BLTP1: variants seen among roughly 807,000 people sequenced by gnomAD.
BLTP1 encodes the protein fragile site-associated protein.
the BLTP1 span, chr4:122,248,028 C>G: frequency 1.0e-6 from 1 of 984,620 alleles, no homozygotes; most frequent in Non-Finnish European, 1.2e-6. Flanking sequence ...AAATGAATTC[C>G]CTGAATTTGC....
chr4:122,204,550 A>G, the BLTP1 span: 3 of 984,772 alleles, frequency 3.0e-6, no homozygotes, highest in South Asian at 9.4e-5. Context: ...TTCAGACTGC[A>G]GACTGTTTGC....
At chr4:122,328,355 C>G in the BLTP1 span, 17 of 1,604,776 alleles carry the variant, frequency 1.1e-5, no homozygotes, top group Non-Finnish European at 1.4e-5. Flanking sequence ...ACAGGAAACC[C>G]TCGTGAGTAA....
the BLTP1 span, among the ~76,000 whole-genome samples, chr4:122,338,363 C>G: frequency 5.9e-5 from 9 of 151,818 alleles, no homozygotes; most frequent in Non-Finnish European, 1.3e-4. Context: ...GTCCTAGCAA[C>G]TTGGGAGGCT....
the BLTP1 span, among the ~76,000 whole-genome samples, chr4:122,330,677 CT>C: frequency 6.6e-6 from 1 of 151,936 alleles, no homozygotes; most frequent in South Asian, 2.1e-4. Context: ...CCTTTTCACC[CT>C]ATTGTTTCCA....
At chr4:122,278,914 G>C in the BLTP1 span, among the ~76,000 whole-genome samples, 1 of 152,194 alleles carries the variant, frequency 6.6e-6, no homozygotes, top group Non-Finnish European at 1.5e-5. Context: ...ACAGGTGGGA[G>C]CCACCATGCC....
the BLTP1 span, chr4:122,155,064 T>C: frequency 2.7e-6 from 1 of 377,172 alleles, no homozygotes; most frequent in Non-Finnish European, 3.6e-6. Flanking sequence ...GTGTCAGACA[T>C]CCAGGCTTCT....
At chr4:122,332,599 T>C in the BLTP1 span, among the ~76,000 whole-genome samples, 3 of 151,050 alleles carry the variant, frequency 2.0e-5, no homozygotes, top group Non-Finnish European at 4.4e-5. Flanking sequence ...TGAAGGATTG[T>C]ATTCCATTTA....
At chr4:122,209,956 A>G in the BLTP1 span, 2 of 1,604,208 alleles carry the variant, frequency 1.2e-6, no homozygotes, top group African/African-American at 2.7e-5. Flanking sequence ...GTGCTTTTAT[A>G]CAGCTGCTAT....
chr4:122,190,212 T>C, the BLTP1 span: 1 of 1,193,168 alleles, frequency 8.4e-7, no homozygotes, highest in East Asian at 2.7e-5. Context: ...TCCTCCTACT[T>C]CAGCCTCCTG....
chr4:122,228,130 G>T, the BLTP1 span, among the ~76,000 whole-genome samples: 2 of 152,006 alleles, frequency 1.3e-5, no homozygotes, highest in Non-Finnish European at 2.9e-5. Context: ...AGCCAGGATG[G>T]TCTTGATCTC....
the BLTP1 span, chr4:122,257,127 C>CATCT: frequency 1.0e-6 from 1 of 963,242 alleles, no homozygotes. Flanking sequence ...AATTACTTAA[C>CATCT]ATCTAAGTTT....
chr4:122,252,672 T>A, the BLTP1 span, among the ~76,000 whole-genome samples: 1 of 152,202 alleles, frequency 6.6e-6, no homozygotes, highest in East Asian at 1.9e-4. Flanking sequence ...GGTTTTTGTC[T>A]CCAGTTGTTG....
At chr4:122,164,347 T>C in the BLTP1 span, 5 of 926,602 alleles carry the variant, frequency 5.4e-6, no homozygotes, top group African/African-American at 8.9e-5. Context: ...TATGGAAATA[T>C]TACACGCCAG....
the BLTP1 span, chr4:122,298,851 G>A: frequency 2.0e-6 from 2 of 984,740 alleles, no homozygotes; most frequent in Non-Finnish European, 2.4e-6. Flanking sequence ...CAAGAAACTG[G>A]GACTGAAAGA....
At chr4:122,325,750 C>T in the BLTP1 span, 1 of 784,762 alleles carries the variant, frequency 1.3e-6, no homozygotes. Context: ...GCATATTAAA[C>T]ATTATATTAA....
chr4:122,307,879 G>A, the BLTP1 span: 95 of 1,543,600 alleles, frequency 6.2e-5, 2 homozygotes, highest in South Asian at 1.1e-3. Flanking sequence ...CAGCTTTTGA[G>A]TTTTACTTAA....
the BLTP1 span, chr4:122,261,892 G>A: frequency 2.0e-6 from 2 of 985,306 alleles, no homozygotes; most frequent in East Asian, 2.3e-4. Context: ...TGACTGGGAG[G>A]GCATTGAAAA....
At chr4:122,192,333 G>A in the BLTP1 span, 1 of 1,613,442 alleles carries the variant, frequency 6.2e-7, no homozygotes, top group Non-Finnish European at 8.5e-7. Flanking sequence ...TATAGTTTGT[G>A]GTAAAGGAAC....
At chr4:122,250,016 G>A in the BLTP1 span, 7 of 939,054 alleles carry the variant, frequency 7.5e-6, no homozygotes, top group Non-Finnish European at 7.6e-6. Flanking sequence ...ATGCCATATA[G>A]GATATAAAAA....
Sources: allele counts gnomAD v4.1 joint callset (sites outside exome capture counted in the v4.1 genomes callset), GRCh38; gene constraint gnomAD v4.1.1; transcripts MANE v1.5; gene names NCBI Gene and HGNC (gene_info 2026-07-23, HGNC 2026-07-21).